Variants in ENTREP2 observed in about 807,000 individuals in gnomAD.
The protein encoded by ENTREP2 is endosomal transmembrane epsin interactor 2, also known as protein ENTREP2.
At chr15:29,295,039 G>C in the ENTREP2 span, among the ~76,000 whole-genome samples, 2 of 152,304 alleles carry the variant, frequency 1.3e-5, no homozygotes, top group South Asian at 4.1e-4. Flanking sequence ...CCAGACCATC[G>C]GGAGGGAGAA....
the ENTREP2 span, among the ~76,000 whole-genome samples, chr15:29,226,459 G>GCTAA: frequency 6.6e-6 from 1 of 152,218 alleles, no homozygotes; most frequent in Non-Finnish European, 1.5e-5. Context: ...GCTGTCAAAT[G>GCTAA]CTAAATTTCT....
At chr15:29,283,968 C>T in the ENTREP2 span, among the ~76,000 whole-genome samples, 1 of 151,986 alleles carries the variant, frequency 6.6e-6, no homozygotes, top group Non-Finnish European at 1.5e-5. Flanking sequence ...AAAGACGTAT[C>T]CCACAGCACA....
At chr15:29,128,932 G>C in the ENTREP2 span, 7 of 1,071,552 alleles carry the variant, frequency 6.5e-6, no homozygotes, top group Non-Finnish European at 9.5e-6. Flanking sequence ...GCCTCCAGTA[G>C]TGTAGGCGCT....
chr15:29,527,678 C>T, the ENTREP2 span, among the ~76,000 whole-genome samples: 4 of 152,094 alleles, frequency 2.6e-5, no homozygotes, highest in Admixed American at 2.0e-4. Flanking sequence ...TTGCCACCAC[C>T]ATTCTTCATG....
the ENTREP2 span, among the ~76,000 whole-genome samples, chr15:29,674,342 T>G: frequency 3.9e-5 from 6 of 152,208 alleles, no homozygotes; most frequent in African/African-American, 1.4e-4. Flanking sequence ...CAATCTCAGC[T>G]CACTGCAACA....
the ENTREP2 span, among the ~76,000 whole-genome samples, chr15:29,583,448 T>C: frequency 1.3e-5 from 2 of 151,978 alleles, no homozygotes; most frequent in Non-Finnish European, 2.9e-5. Flanking sequence ...TGAGAACACA[T>C]GGACACAGGG....
the ENTREP2 span, among the ~76,000 whole-genome samples, chr15:29,488,103 T>G: frequency 1.3e-5 from 2 of 150,962 alleles, no homozygotes; most frequent in Admixed American, 6.6e-5. Flanking sequence ...CACACTGGAC[T>G]TACTAAAGAC....
At chr15:29,385,835 C>T in the ENTREP2 span, among the ~76,000 whole-genome samples, 1 of 152,122 alleles carries the variant, frequency 6.6e-6, no homozygotes, top group East Asian at 1.9e-4. Flanking sequence ...GCCTCCCATG[C>T]CCCCCATCCT....
At chr15:29,592,390 C>G in the ENTREP2 span, among the ~76,000 whole-genome samples, 1 of 152,190 alleles carries the variant, frequency 6.6e-6, no homozygotes, top group Non-Finnish European at 1.5e-5. Context: ...GCTCATGGCT[C>G]TGGAAGCTGG....
the ENTREP2 span, among the ~76,000 whole-genome samples, chr15:29,227,754 G>A: frequency 6.6e-6 from 1 of 152,154 alleles, no homozygotes; most frequent in African/African-American, 2.4e-5. Flanking sequence ...GGTAAAGGGG[G>A]AACCACTCTG....
chr15:29,432,490 C>A, the ENTREP2 span, among the ~76,000 whole-genome samples: 2 of 152,202 alleles, frequency 1.3e-5, no homozygotes, highest in Non-Finnish European at 2.9e-5. Flanking sequence ...GTCTTCTTCC[C>A]CACATTTGCA....
the ENTREP2 span, chr15:29,233,868 T>C: frequency 6.3e-7 from 1 of 1,579,244 alleles, no homozygotes; most frequent in Non-Finnish European, 8.7e-7. Context: ...GGAGATGATG[T>C]CAAATGAGCC....
At chr15:29,175,719 C>T in the ENTREP2 span, among the ~76,000 whole-genome samples, 1 of 152,230 alleles carries the variant, frequency 6.6e-6, no homozygotes, top group Non-Finnish European at 1.5e-5. Context: ...ATTCTCCTGC[C>T]TCAGCCTGCT....
chr15:29,253,536 G>T, the ENTREP2 span, among the ~76,000 whole-genome samples: 1 of 149,550 alleles, frequency 6.7e-6, no homozygotes. Flanking sequence ...TCTGCCTCCC[G>T]GGTTCAAGCG....
chr15:29,219,614 A>AATATAAATATATAT, the ENTREP2 span, among the ~76,000 whole-genome samples: 1 of 38,402 alleles, frequency 2.6e-5, no homozygotes, highest in Non-Finnish European at 5.3e-5. Flanking sequence ...GTGGTGCATA[A>AATATAAATATATAT]ATATATATAT....
the ENTREP2 span, among the ~76,000 whole-genome samples, chr15:29,285,635 TGAA>T: frequency 6.6e-6 from 1 of 152,120 alleles, no homozygotes; most frequent in African/African-American, 2.4e-5. Context: ...ACTGAACATT[TGAA>T]GAAGAAATAA....
chr15:29,399,432 AAAG>A, the ENTREP2 span, among the ~76,000 whole-genome samples: 3 of 152,246 alleles, frequency 2.0e-5, no homozygotes, highest in African/African-American at 7.2e-5. Context: ...TAAACATTGG[AAAG>A]AAGAAGCAAA....
At chr15:29,144,392 A>G in the ENTREP2 span, among the ~76,000 whole-genome samples, 1 of 152,180 alleles carries the variant, frequency 6.6e-6, no homozygotes, top group Non-Finnish European at 1.5e-5. Flanking sequence ...ACCCGCAAGG[A>G]AAAGTGCAGG....
At chr15:29,127,474 G>T in the ENTREP2 span, among the ~76,000 whole-genome samples, 3 of 152,236 alleles carry the variant, frequency 2.0e-5, no homozygotes, top group Non-Finnish European at 2.9e-5. Flanking sequence ...AGGCTTTTCA[G>T]GCCACCTCCC....
Sources: gnomAD v4.1 joint callset for allele counts (sites outside exome capture counted in the v4.1 genomes callset) on GRCh38, gnomAD v4.1.1 for gene constraint, MANE v1.5 for transcripts, NCBI Gene and HGNC (gene_info 2026-07-23, HGNC 2026-07-21) for gene names.